CFAP52: variants seen among roughly 807,000 people sequenced by gnomAD.
CFAP52 encodes the protein cilia and flagella associated protein 52.
Under a neutral mutation model 70.5 loss-of-function variants are expected in CFAP52, and 57 were observed. The observed-to-expected ratio is 0.81, with a 90% CI of 0.65 to 1.01. CFAP52 has a LOEUF of 1.01. Ranked by LOEUF, CFAP52 falls within the 50% of genes least tolerant of loss-of-function variation. CFAP52 has a pLI of 0.00. For missense variants in CFAP52, 785 were observed against 788.5 expected, an observed-to-expected ratio of 1.00 and a Z score of 0.05; for synonymous variants, 267 against 292.5, an observed-to-expected ratio of 0.91 and a Z score of 0.89.
At position 9,612,408 on chromosome 17, in the gene CFAP52, C is replaced by T. The variant is rs370813607; in HGVS notation, c.954C>T (p.Ser318=). The change falls in exon 8 of 14, where the codon AGC becomes AGT. Residue 318 remains serine, a synonymous_variant. Transcript: ENST00000352665. ...AAGAATCGCACATTTATCGTGTCAG[C>T]TTCACGGATTTCAAAGAGACGCTCA... The part of the protein sequence containing the change: ...GTEESHIYRV[S]FTDFKETLIA... 1.2e-6 allele frequency: 2 copies of T among 1,614,206 alleles called. No homozygotes were observed. The highest frequency in any genetic ancestry group is 1.7e-6 in the Non-Finnish European group (2 of 1,180,046).
intron 8 of CFAP52, among the ~76,000 whole-genome samples, chr17:9,621,800 A>G (rs1203604542): frequency 2.2e-5 from 3 of 133,382 alleles, no homozygotes; most frequent in Non-Finnish European, 4.8e-5. Flanking sequence ...TGGGAATTGA[A>G]CAATGAGATC....
At chr17:9,627,641 A>G (rs559420950) in intron 8 of CFAP52, among the ~76,000 whole-genome samples, 2 of 152,206 alleles carry the variant, frequency 1.3e-5, no homozygotes, top group African/African-American at 4.8e-5. Context: ...TTATCTTCAA[A>G]CTCAGGTAAT....
At chr17:9,581,429 A>T (rs1301634888) in intron 1 of CFAP52, among the ~76,000 whole-genome samples, 1 of 152,222 alleles carries the variant, frequency 6.6e-6, no homozygotes, top group African/African-American at 2.4e-5. Flanking sequence ...ATGAGGAAAG[A>T]TGTCAAAGAT....
chr17:9,631,893 G>A (rs1910559367), intron 9 of CFAP52, among the ~76,000 whole-genome samples: 2 of 151,556 alleles, frequency 1.3e-5, no homozygotes, highest in Middle Eastern at 6.8e-3. Context: ...TCAGCCTCCT[G>A]AGTAGCTGGG....
At chr17:9,602,692 C>A (rs1379172688) in intron 6 of CFAP52, among the ~76,000 whole-genome samples, 2 of 152,204 alleles carry the variant, frequency 1.3e-5, no homozygotes, top group Non-Finnish European at 2.9e-5. Flanking sequence ...AATCACCACA[C>A]TGTCTTCCAC....
intron 3 of CFAP52, among the ~76,000 whole-genome samples, chr17:9,593,309 T>A (rs1273452597): frequency 6.6e-6 from 1 of 152,182 alleles, no homozygotes; most frequent in Non-Finnish European, 1.5e-5. Flanking sequence ...GCTGCAATTC[T>A]CACAATGTGG....
chr17:9,586,093 T>G (rs1908460341), intron 2 of CFAP52, 121 bp downstream of exon 2: 15 of 1,045,344 alleles, frequency 1.4e-5, no homozygotes, highest in Non-Finnish European at 2.1e-5. Flanking sequence ...TCTTCTTCTT[T>G]TTGACTTCTC....
At chr17:9,607,444 A>C (rs2151939953) in intron 6 of CFAP52, among the ~76,000 whole-genome samples, 1 of 152,360 alleles carries the variant, frequency 6.6e-6, no homozygotes, top group Admixed American at 6.5e-5. Context: ...CAACCATCAT[A>C]CATTGTCAAG....
intron 3 of CFAP52, among the ~76,000 whole-genome samples, chr17:9,588,770 A>C (rs1034915095): frequency 1.2e-4 from 12 of 101,540 alleles, no homozygotes; most frequent in Non-Finnish European, 1.6e-4. Context: ...AGCCACAGAA[A>C]AGAATTTTTT....
intron 12 of CFAP52, 164 bp downstream of exon 12, chr17:9,638,875 T>C (rs1910928136): frequency 1.6e-6 from 1 of 631,196 alleles, no homozygotes. Flanking sequence ...CCTTCCAGTG[T>C]CTTCACTTCC....
chr17:9,628,992 A>G (rs1910345937), intron 9 of CFAP52, among the ~76,000 whole-genome samples, 172 bp downstream of exon 9: 1 of 151,938 alleles, frequency 6.6e-6, no homozygotes, highest in African/African-American at 2.4e-5. Flanking sequence ...CAGCTGGGAG[A>G]CTTTCTGAGC....
At chr17:9,642,640 A>G (rs1297818275) in intron 13 of CFAP52, among the ~76,000 whole-genome samples, 1 of 152,224 alleles carries the variant, frequency 6.6e-6, no homozygotes, top group African/African-American at 2.4e-5. Flanking sequence ...TAAGTAAAAA[A>G]TAAATAAATG....
At chr17:9,596,242 G>C (rs1909015906) in intron 4 of CFAP52, among the ~76,000 whole-genome samples, 1 of 151,264 alleles carries the variant, frequency 6.6e-6, no homozygotes, top group East Asian at 1.9e-4. Context: ...TGGGATTACA[G>C]GTGCATGCTG....
intron 11 of CFAP52, among the ~76,000 whole-genome samples, chr17:9,636,224 A>AAAGAAAGG (rs1910789558): frequency 6.7e-6 from 1 of 150,036 alleles, no homozygotes; most frequent in Admixed American, 6.7e-5. Context: ...AGAAAGAAAG[A>AAAGAAAGG]AAGAAAGAAA....
At chr17:9,606,308 G>T (rs992635971) in intron 6 of CFAP52, among the ~76,000 whole-genome samples, 1 of 151,978 alleles carries the variant, frequency 6.6e-6, no homozygotes, top group Non-Finnish European at 1.5e-5. Context: ...GCTTCATCCC[G>T]GGAGTTCGTG....
rs1555544250 is a variant in CFAP52 at position 9,631,028 on chromosome 17, A to AAGAAAG, written c.1175-1857_1175-1856insAAGAGA. The stretch of plus-strand genomic sequence containing the variant: ...AAAGAAAGAAAGAAAGAAAGAAAGA[A>AAGAAAG]AGAGAGAGAGAGAGAGAGAGAGAGA... On this transcript the variant is annotated intron_variant, in intron 9 of 13. Transcript: ENST00000352665. 1.6e-4 allele frequency among the ~76,000 whole-genome samples: 7 copies of AAGAAAG among 44,730 alleles called. 1 individual carries two copies. The highest frequency in any genetic ancestry group is 4.9e-4 in the African/African-American group (4 of 8,232). The allele number at this position is 44,730 out of a possible 152,430, so 29.3% of individuals were successfully genotyped here.
rs528897677 is a variant in CFAP52, at chr17:9,606,378, C to T, written c.754-1741C>T. On this transcript the variant is annotated intron_variant, in intron 6 of 13. Coordinates refer to ENST00000352665, the MANE Select transcript of CFAP52 (RefSeq NM_145054.5). ...AGCCTGGGTGGCAGAGACCCTGTCT[C>T]CAAAATACACACACACACACACACA... 1.0e-4 allele frequency among the ~76,000 whole-genome samples: 3 copies of T among 30,002 alleles called. No homozygotes were observed. The East Asian group carries it at 3.1e-3, about 31-fold the overall frequency. 19.7% of individuals were successfully genotyped at this position (30,002 alleles called of 152,430 possible).
chr17:9,610,371 C>T (rs1909665763), intron 7 of CFAP52: 1 of 152,128 alleles, frequency 6.6e-6, no homozygotes, highest in Non-Finnish European at 1.5e-5. Context: ...TCCAAAATAA[C>T]CCTGTGTGAC....
intron 6 of CFAP52, among the ~76,000 whole-genome samples, chr17:9,601,362 G>A (rs1909262292): frequency 1.3e-5 from 2 of 151,878 alleles, no homozygotes; most frequent in South Asian, 4.2e-4. Flanking sequence ...GTATACATAT[G>A]TAACAAACCT....
Sources: allele counts gnomAD v4.1 joint callset (sites outside exome capture counted in the v4.1 genomes callset), GRCh38; gene constraint gnomAD v4.1.1; transcripts MANE v1.5; gene names NCBI Gene and HGNC (gene_info 2026-07-23, HGNC 2026-07-21).